GARS1: variants seen among roughly 807,000 people sequenced by gnomAD.
GARS1 encodes glycyl-tRNA synthetase 1.
Under a neutral mutation model 86.4 loss-of-function variants are expected in GARS1, and 46 were observed. That is an observed-to-expected ratio of 0.53 (90% CI 0.42 to 0.68). The LOEUF is 0.68. Among genes scored for constraint, GARS1 ranks in the 30% least tolerant of loss-of-function variants. The probability of loss-of-function intolerance (pLI) is 0.00; values close to 1 mark genes in which losing one functional copy is unlikely to be tolerated. For synonymous variants in GARS1, 342 were observed against 329.8 expected, an observed-to-expected ratio of 1.04 and a Z score of -0.40; for missense variants, 797 against 915.6, an observed-to-expected ratio of 0.87 and a Z score of 1.67.
intron 1 of GARS1, among the ~76,000 whole-genome samples, chr7:30,597,578 C>T (rs1791279842): frequency 6.6e-6 from 1 of 152,152 alleles, no homozygotes; most frequent in Non-Finnish European, 1.5e-5. Context: ...AAGTGCCAAA[C>T]TCAAAATTTA....
At chr7:30,609,427 T>A (rs1791549073) in intron 6 of GARS1, among the ~76,000 whole-genome samples, 158 bp from the exon 7 acceptor site, 3 of 152,176 alleles carry the variant, frequency 2.0e-5, no homozygotes, top group Admixed American at 6.5e-5. Flanking sequence ...ATAAATTGGT[T>A]ATGGTTTTAA....
chr7:30,615,808 A>C (rs1311236876), intron 8 of GARS1, 88 bp from the exon 9 acceptor site: 3 of 1,403,602 alleles, frequency 2.1e-6, no homozygotes, highest in African/African-American at 2.9e-5. Flanking sequence ...TATCACTAGA[A>C]TGCAGTTGAA....
At chr7:30,608,363 C>G (rs1479177342) in intron 6 of GARS1, among the ~76,000 whole-genome samples, 1 of 152,128 alleles carries the variant, frequency 6.6e-6, no homozygotes, top group South Asian at 2.1e-4. Context: ...TCTTGAATTA[C>G]CTGGGAAATA....
intron 3 of GARS1, among the ~76,000 whole-genome samples, chr7:30,600,596 G>T (rs770393359): frequency 6.6e-6 from 1 of 152,154 alleles, no homozygotes; most frequent in Non-Finnish European, 1.5e-5. Context: ...TAGACATATA[G>T]TACTTTGCCA....
intron 6 of GARS1, among the ~76,000 whole-genome samples, chr7:30,606,123 A>C (rs545573204): frequency 6.6e-6 from 1 of 152,080 alleles, no homozygotes; most frequent in Non-Finnish European, 1.5e-5. Flanking sequence ...TTTCTCTATT[A>C]GATTTAGAAG....
In GARS1 at chr7:30,603,029, T is replaced by A; in HGVS notation, c.570-5T>A. 1 of 1,610,056 alleles carries A rather than the reference T, an allele frequency of 6.2e-7. No homozygotes were observed. The highest frequency in any genetic ancestry group is 1.1e-5 in the South Asian group (1 of 91,010). On this transcript the variant is annotated splice_region_variant and splice_polypyrimidine_tract_variant and intron_variant, in intron 4 of 16. Transcript: ENST00000389266. ...GACAAATTGGGTTGGCATTTGTTAA[T>A]TTAGGACCTCTGGCCATGTAGACAA...
rs78529602 is a variant in GARS1, at chr7:30,596,710, T to G, written c.222+1567T>G. ...TTTCCGAATATACGAGTTAGTTGATTTAAGTTAGTTTGGATATTTTTTTCT... is the reference window on the plus strand; with the variant it reads ...TTTCCGAATATACGAGTTAGTTGATGTAAGTTAGTTTGGATATTTTTTTCT... On this transcript the variant is annotated intron_variant, in intron 1 of 16. Coordinates refer to ENST00000389266, the MANE Select transcript of GARS1 (RefSeq NM_002047.4). Among the ~76,000 whole-genome samples the G allele has an allele frequency of 6.9e-3, 1,055 of 152,356 alleles. 8 individuals are homozygous for G. The highest frequency in any genetic ancestry group is 0.014 in the Middle Eastern group (4 of 294).
chr7:30,608,196 T>A (rs777947490), intron 6 of GARS1, among the ~76,000 whole-genome samples: 1 of 152,240 alleles, frequency 6.6e-6, no homozygotes, highest in Non-Finnish European at 1.5e-5. Flanking sequence ...TTGGGATAGA[T>A]GCCTAGAAAT....
In GARS1 at chr7:30,601,205, G is replaced by T. The variant is rs758783290; in HGVS notation, c.569+5G>T. 6.2e-7 allele frequency: 1 copy of T among 1,613,368 alleles called. No homozygotes were observed. Among genetic ancestry groups the T allele is most frequent in the Admixed American group, 1.7e-5 (1 of 60,010 alleles). ...CACCCCTGAGCCAGTTTTAAAGTGA[G>T]ATCTTACTTTGGAGTGGGGGTATCC... On this transcript the variant is annotated splice_donor_5th_base_variant and intron_variant, in intron 4 of 16. Coordinates refer to ENST00000389266, the MANE Select transcript of GARS1 (RefSeq NM_002047.4).
rs558863933 is a variant in GARS1, at chr7:30,632,287, C to T, written c.1944C>T (p.Asp648=). The change falls in exon 16 of 17, where the codon GAC becomes GAT. Residue 648 remains aspartate (D), a synonymous_variant. Coordinates refer to ENST00000389266, the MANE Select transcript of GARS1 (RefSeq NM_002047.4). The surrounding 1 kb of genome is among the most constrained non-coding windows in gnomAD (Gnocchi z 4.1). ...GGCATGGAGTATCTCACAAAGTAGA[C>T]GATTCCTCTGGGTCAATCGGAAGGC... ...LTRHGVSHKV[D]DSSGSIGRRY... 21 of 1,614,106 alleles carry T rather than the reference C, an allele frequency of 1.3e-5. No homozygotes were observed. The highest frequency in any genetic ancestry group is 1.1e-4 in the South Asian group (10 of 91,084).
intron 5 of GARS1, 72 bp downstream of exon 5, chr7:30,603,194 C>A: frequency 7.6e-7 from 1 of 1,316,658 alleles, no homozygotes; most frequent in Non-Finnish European, 1.1e-6. Context: ...AGATGTCTTT[C>A]ATTAAATTTT....
At chr7:30,609,946 CATAAA>C in intron 7 of GARS1, among the ~76,000 whole-genome samples, 1 of 152,108 alleles carries the variant, frequency 6.6e-6, no homozygotes, top group South Asian at 2.1e-4. Flanking sequence ...ATTTTTTTGG[CATAAA>C]ATAAAGTCTC....
At chr7:30,615,084 C>T (rs1782864330) in intron 8 of GARS1, among the ~76,000 whole-genome samples, 1 of 152,194 alleles carries the variant, frequency 6.6e-6, no homozygotes, top group African/African-American at 2.4e-5. Context: ...AAATTGCATT[C>T]AGAGAAATCT....
At position 30,595,076 on chromosome 7, in the gene GARS1, G is replaced by A. The variant is rs755504496; in HGVS notation, c.155G>A (p.Arg52Gln). ...PPISLPAAAS[R>Q]SSMDGAGAEE... Reference sequence around the variant, plus strand: ...ATCTCCTTGCCCGCCGCCGCCTCCCGGAGCAGCATGGACGGCGCGGGGGCT... The same window carrying A: ...ATCTCCTTGCCCGCCGCCGCCTCCCAGAGCAGCATGGACGGCGCGGGGGCT... The change falls in exon 1 of 17, where the codon CGG becomes CAG. Residue 52 changes from arginine to glutamine, a missense_variant. This residue lies in a region of GARS1 where 199 missense variants were observed against 176.9 expected (regional missense o/e 1.12). Transcript: ENST00000389266. 6.5e-6 allele frequency: 10 copies of A among 1,547,718 alleles called. No individual in the cohort carries two copies. The South Asian group carries it at 1.1e-4, about 16-fold the overall frequency.
At chr7:30,613,111 C>T in intron 8 of GARS1, among the ~76,000 whole-genome samples, 1 of 152,194 alleles carries the variant, frequency 6.6e-6, no homozygotes, top group African/African-American at 2.4e-5. Flanking sequence ...AGCCCAGTCA[C>T]TGACTCTGGA....
At chr7:30,633,644 CTG>C in intron 16 of GARS1, 89 bp from the exon 17 acceptor site, 2 of 1,472,650 alleles carry the variant, frequency 1.4e-6, no homozygotes, top group South Asian at 2.3e-5. Flanking sequence ...TTGTTTGGCT[CTG>C]TGTAAGGTTT....
upstream of GARS1, chr7:30,594,735 T>C (rs534002285): frequency 1.7e-6 from 1 of 601,784 alleles, no homozygotes; most frequent in South Asian, 2.0e-5. Flanking sequence ...GGAGAAAACC[T>C]TCGGCGGGGT....
intron 6 of GARS1, among the ~76,000 whole-genome samples, chr7:30,606,114 T>TTC (rs1366726871): frequency 6.6e-6 from 1 of 152,208 alleles, no homozygotes; most frequent in Non-Finnish European, 1.5e-5. Flanking sequence ...GTTCATCTTT[T>TTC]TCTCTATTAG....
intron 6 of GARS1, among the ~76,000 whole-genome samples, chr7:30,605,137 G>T (rs1458003182): frequency 6.6e-6 from 1 of 152,250 alleles, no homozygotes; most frequent in East Asian, 1.9e-4. Flanking sequence ...CTGGCTGAAA[G>T]CCCATCTGTT....
Sources: gnomAD v4.1 joint callset for allele counts (sites outside exome capture counted in the v4.1 genomes callset) on GRCh38, gnomAD v4.1.1 for gene constraint, gnomAD v4.1.1 regional missense constraint, Gnocchi (gnomAD v3.1) non-coding constraint, MANE v1.5 for transcripts, NCBI Gene and HGNC (gene_info 2026-07-23, HGNC 2026-07-21) for gene names.